The following SORCS3 variants were observed in gnomAD, a reference collection of about 807,000 sequenced individuals.
SORCS3 encodes the protein sortilin related VPS10 domain containing receptor 3, also known as VPS10 domain-containing receptor SorCS3.
A neutral mutation model predicts 146.3 loss-of-function variants in SORCS3; 57 were observed. The ratio of observed to expected loss-of-function variants is 0.39; its 90% CI spans 0.31 to 0.49. The LOEUF is 0.49. Among genes scored for constraint, SORCS3 ranks in the 20% least tolerant of loss-of-function variants. The probability of loss-of-function intolerance (pLI) is 0.92; values close to 1 mark genes in which losing one functional copy is unlikely to be tolerated. For missense variants in SORCS3, 1,341 were observed against 1,575.5 expected (o/e 0.85, Z 2.52); for synonymous variants, 653 against 618.5 (o/e 1.06, Z -0.83).
intron 1 of SORCS3, among the ~76,000 whole-genome samples, chr10:104,705,225 GT>G (rs11361828): frequency 0.47 from 55,768 of 119,358 alleles, 11,722 homozygotes; most frequent in Middle Eastern, 0.68. Context: ...GCAGGCCTTC[GT>G]TTTTTTTTTT....
chr10:104,841,501 C>G (rs2018139314), intron 1 of SORCS3, among the ~76,000 whole-genome samples: 1 of 152,102 alleles, frequency 6.6e-6, no homozygotes, highest in East Asian at 1.9e-4. Context: ...ACCTTTGGCA[C>G]ATAATGGATC....
intron 14 of SORCS3, among the ~76,000 whole-genome samples, chr10:105,187,227 C>T: frequency 6.6e-6 from 1 of 152,100 alleles, no homozygotes; most frequent in African/African-American, 2.4e-5. Flanking sequence ...CTCTTCCCCC[C>T]ATATTTATTT....
chr10:104,923,433 T>A (rs987970047), intron 3 of SORCS3, among the ~76,000 whole-genome samples: 1 of 152,216 alleles, frequency 6.6e-6, no homozygotes, highest in African/African-American at 2.4e-5. Context: ...GAAGTTACAG[T>A]TCCTTGGTCA....
At chr10:104,686,832 T>G (rs2016049417) in intron 1 of SORCS3, among the ~76,000 whole-genome samples, 3 of 152,178 alleles carry the variant, frequency 2.0e-5, no homozygotes, top group Non-Finnish European at 4.4e-5. Flanking sequence ...TGTTTGTCCA[T>G]GTATCCATTC....
At chr10:105,109,850 G>A (rs1009284924) in intron 7 of SORCS3, among the ~76,000 whole-genome samples, 1 of 151,884 alleles carries the variant, frequency 6.6e-6, no homozygotes, top group Non-Finnish European at 1.5e-5. Flanking sequence ...CATATGCCTT[G>A]TGGTTGGCCA....
chr10:104,948,603 G>A (rs55777024), intron 3 of SORCS3, among the ~76,000 whole-genome samples: 2,627 of 152,280 alleles, frequency 0.017, 71 homozygotes, highest in African/African-American at 0.059. Context: ...TAACTTTCCG[G>A]TTCGATGTCT....
At chr10:104,898,488 G>A (rs1254984103) in intron 2 of SORCS3, among the ~76,000 whole-genome samples, 1 of 152,136 alleles carries the variant, frequency 6.6e-6, no homozygotes, top group African/African-American at 2.4e-5. Context: ...TTATGTGTGA[G>A]ATAAAATGCT....
At chr10:104,789,241 A>G (rs1291265042) in intron 1 of SORCS3, among the ~76,000 whole-genome samples, 1 of 152,154 alleles carries the variant, frequency 6.6e-6, no homozygotes, top group Non-Finnish European at 1.5e-5. Flanking sequence ...GAACATTTCC[A>G]AGAGGTCCTG....
At chr10:104,681,755 T>C (rs2015979221) in intron 1 of SORCS3, among the ~76,000 whole-genome samples, 1 of 152,194 alleles carries the variant, frequency 6.6e-6, no homozygotes, top group Non-Finnish European at 1.5e-5. Context: ...GTAAAGCTCC[T>C]GCCCCAGGGC....
chr10:105,230,569 C>G (rs1449804234), intron 20 of SORCS3, among the ~76,000 whole-genome samples: 2 of 152,212 alleles, frequency 1.3e-5, no homozygotes, highest in African/African-American at 2.4e-5. Context: ...TCACTAACCT[C>G]CCAGCCCACG....
At chr10:104,835,566 C>T (rs529809837) in intron 1 of SORCS3, among the ~76,000 whole-genome samples, 2 of 152,300 alleles carry the variant, frequency 1.3e-5, no homozygotes, top group Non-Finnish European at 2.9e-5. Flanking sequence ...CAGGCCAGAG[C>T]GTCCTAGTGA....
chr10:105,163,904 A>G (rs940661082), intron 11 of SORCS3, among the ~76,000 whole-genome samples: 2 of 151,514 alleles, frequency 1.3e-5, no homozygotes, highest in Non-Finnish European at 1.5e-5. Flanking sequence ...ACACACACAC[A>G]CACACACACA....
At chr10:104,669,828 T>C (rs1298613901) in intron 1 of SORCS3, among the ~76,000 whole-genome samples, 2 of 152,126 alleles carry the variant, frequency 1.3e-5, no homozygotes, top group Non-Finnish European at 2.9e-5. Context: ...CACACTGTTT[T>C]CAATAGTAGC....
At chr10:104,819,087 G>T (rs918785080) in intron 1 of SORCS3, among the ~76,000 whole-genome samples, 1 of 152,086 alleles carries the variant, frequency 6.6e-6, no homozygotes, top group African/African-American at 2.4e-5. Context: ...AAGGCCAGGG[G>T]GGTGACATAC....
Position 105,167,256 on chromosome 10 carries a change from A to C in SORCS3, c.1810-2A>C. On this transcript the variant is annotated splice_acceptor_variant, in intron 12 of 26. Transcript: ENST00000369701. LOFTEE classifies it high-confidence loss of function. ...TTGTTGTTGTTGTTGTTGTTGTTCC[A>C]GATCTTTGATGAAGAGTACAATGTC... 6.2e-7 allele frequency: 1 copy of C among 1,610,426 alleles called. No homozygotes were observed. Among genetic ancestry groups the C allele is most frequent in the Non-Finnish European group, 8.5e-7 (1 of 1,177,032 alleles).
intron 2 of SORCS3, among the ~76,000 whole-genome samples, chr10:104,847,790 A>C (rs1029881108): frequency 6.6e-6 from 1 of 151,970 alleles, no homozygotes; most frequent in Non-Finnish European, 1.5e-5. Context: ...GCTTTATTGC[A>C]CCCACCCTAG....
chr10:104,685,473 G>A (rs2016033414), intron 1 of SORCS3, among the ~76,000 whole-genome samples: 1 of 152,184 alleles, frequency 6.6e-6, no homozygotes, highest in South Asian at 2.1e-4. Context: ...GGAGGAAGAG[G>A]CAGCAGCTGC....
At chr10:105,248,662 G>A (rs529480304) in intron 22 of SORCS3, among the ~76,000 whole-genome samples, 5 of 145,168 alleles carry the variant, frequency 3.4e-5, no homozygotes, top group Admixed American at 1.4e-4. Flanking sequence ...TGCATGAGCC[G>A]AGATATTGCG....
intron 2 of SORCS3, among the ~76,000 whole-genome samples, chr10:104,912,054 G>A (rs1209162554): frequency 6.6e-6 from 1 of 152,132 alleles, no homozygotes; most frequent in Non-Finnish European, 1.5e-5. Context: ...ATTTGGAGTT[G>A]AGCCCTGTCT....
Sources: allele counts gnomAD v4.1 joint callset (sites outside exome capture counted in the v4.1 genomes callset), GRCh38; gene constraint gnomAD v4.1.1; transcripts MANE v1.5; gene names NCBI Gene and HGNC (gene_info 2026-07-23, HGNC 2026-07-21).